Variants in ARNT2 observed in about 807,000 individuals in gnomAD.
ARNT2 encodes aryl hydrocarbon receptor nuclear translocator 2.
Under a neutral mutation model 91.7 loss-of-function variants are expected in ARNT2, and 36 were observed. The ratio of observed to expected loss-of-function variants is 0.39; its 90% CI spans 0.30 to 0.52. ARNT2 has a LOEUF of 0.52. Ranked by LOEUF, ARNT2 falls within the 20% of genes least tolerant of loss-of-function variation. The pLI, the probability that ARNT2 is intolerant of heterozygous loss-of-function variation, is 0.72. For missense variants in ARNT2, 775 were observed against 939.3 expected (o/e 0.83, Z 2.29); for synonymous variants, 365 against 347.1 (o/e 1.05, Z -0.57).
At chr15:80,422,205 T>G (rs1419625866) in intron 1 of ARNT2, among the ~76,000 whole-genome samples, 1 of 152,170 alleles carries the variant, frequency 6.6e-6, no homozygotes, top group East Asian at 1.9e-4. Context: ...TGAAAGTCAT[T>G]GAGCCTCAGA....
At chr15:80,522,820 G>GTGTATA (rs548555538) in intron 8 of ARNT2, among the ~76,000 whole-genome samples, 29,794 of 134,854 alleles carry the variant, frequency 0.22, 3,296 homozygotes, top group African/African-American at 0.24. Context: ...GTGTGTGTGT[G>GTGTATA]TATATATATA....
chr15:80,528,606 T>G (rs747132451), intron 8 of ARNT2, among the ~76,000 whole-genome samples: 1 of 152,084 alleles, frequency 6.6e-6, no homozygotes, highest in Non-Finnish European at 1.5e-5. Flanking sequence ...AGTGGACCGC[T>G]CATGAATATA....
At chr15:80,537,923 G>A (rs1897850885) in intron 8 of ARNT2, among the ~76,000 whole-genome samples, 1 of 152,222 alleles carries the variant, frequency 6.6e-6, no homozygotes, top group African/African-American at 2.4e-5. Flanking sequence ...ACCTATTAGA[G>A]TGAGTCCCTA....
In ARNT2 at chr15:80,514,343, A is replaced by G. The variant is rs777677819; in HGVS notation, c.815A>G (p.Glu272Gly). 3.7e-6 allele frequency: 6 copies of G among 1,614,070 alleles called. No homozygotes were observed. In the Admixed American group the frequency reaches 8.3e-5, roughly 22 times the overall value. ...RFRNGLGPVK[E>G]GEAQYAVVHC... ...AGGAATGGCCTTGGCCCTGTGAAAG[A>G]AGGAGAAGCCCAATATGCTGTGGTC... The change falls in exon 8 of 19, where the codon GAA becomes GGA. Residue 272 changes from glutamate (E) to glycine (G), a missense_variant. Glu to Gly is a moderately conservative substitution (Grantham distance 98, BLOSUM62 -2). This residue lies in a region of ARNT2 where 285 missense variants were observed against 327.2 expected (regional missense o/e 0.87). Transcript: ENST00000303329.
intron 1 of ARNT2, among the ~76,000 whole-genome samples, chr15:80,407,992 A>G (rs1306816220): frequency 6.9e-6 from 1 of 145,296 alleles, no homozygotes; most frequent in Admixed American, 6.8e-5. Context: ...CAGAGTAATT[A>G]ATAAGGCTCA....
chr15:80,529,714 G>A (rs1453404059), intron 8 of ARNT2, among the ~76,000 whole-genome samples: 1 of 152,108 alleles, frequency 6.6e-6, no homozygotes, highest in Non-Finnish European at 1.5e-5. Flanking sequence ...CTGCTTCTCA[G>A]TTGCTCTCTT....
intron 14 of ARNT2, 51 bp from the exon 15 acceptor site, chr15:80,576,815 G>A (rs574697047): frequency 2.5e-6 from 4 of 1,599,020 alleles, no homozygotes; most frequent in Non-Finnish European, 3.4e-6. Flanking sequence ...CTCCTCTGTG[G>A]TCTGCAGAGC....
chr15:80,487,468 G>A (rs559136828), intron 5 of ARNT2, among the ~76,000 whole-genome samples: 33 of 152,354 alleles, frequency 2.2e-4, no homozygotes, highest in African/African-American at 7.5e-4. Flanking sequence ...GAATGTCTGA[G>A]TGGGGAACAA....
At chr15:80,476,856 T>A (rs1425956258) in intron 5 of ARNT2, among the ~76,000 whole-genome samples, 1 of 152,262 alleles carries the variant, frequency 6.6e-6, no homozygotes, top group African/African-American at 2.4e-5. Flanking sequence ...GGTTTAGATC[T>A]GTGTCCTCAC....
chr15:80,559,483 G>A (rs1429874003), intron 11 of ARNT2, among the ~76,000 whole-genome samples: 2 of 152,220 alleles, frequency 1.3e-5, no homozygotes, highest in Non-Finnish European at 2.9e-5. Flanking sequence ...TTGATAAAGG[G>A]AAGTGGCTTC....
intron 1 of ARNT2, among the ~76,000 whole-genome samples, chr15:80,425,539 A>G (rs2141564764): frequency 6.6e-6 from 1 of 152,346 alleles, no homozygotes; most frequent in Admixed American, 6.5e-5. Flanking sequence ...TGTAAATATT[A>G]CAATCTTTTT....
At chr15:80,579,273 A>G (rs1182755968) in intron 15 of ARNT2, among the ~76,000 whole-genome samples, 2 of 152,212 alleles carry the variant, frequency 1.3e-5, no homozygotes, top group African/African-American at 4.8e-5. Context: ...TACTTTCATC[A>G]GGAAGGAGAA....
chr15:80,586,582 C>CA (rs1381439591), intron 17 of ARNT2, among the ~76,000 whole-genome samples: 1 of 152,090 alleles, frequency 6.6e-6, no homozygotes, highest in Non-Finnish European at 1.5e-5. Flanking sequence ...TTTGTTATTC[C>CA]AGGCTGGGTG....
At chr15:80,429,052 A>G (rs1378019996) in intron 1 of ARNT2, among the ~76,000 whole-genome samples, 1 of 152,200 alleles carries the variant, frequency 6.6e-6, no homozygotes, top group South Asian at 2.1e-4. Flanking sequence ...GAACAAAGGA[A>G]TGGTATGGCC....
At chr15:80,593,405 G>A (rs1333845622) in intron 18 of ARNT2, among the ~76,000 whole-genome samples, 195 bp from the exon 19 acceptor site, 1 of 152,210 alleles carries the variant, frequency 6.6e-6, no homozygotes, top group East Asian at 1.9e-4. Context: ...ACAGCTCCCT[G>A]GGGAGAACAG....
At chr15:80,562,642 G>A (rs1898386987) in intron 11 of ARNT2, among the ~76,000 whole-genome samples, 1 of 152,148 alleles carries the variant, frequency 6.6e-6, no homozygotes, top group African/African-American at 2.4e-5. Context: ...TAAGCATCTT[G>A]TATGTTGCCG....
intron 11 of ARNT2, among the ~76,000 whole-genome samples, chr15:80,560,810 C>T (rs1898326359): frequency 6.6e-6 from 1 of 152,230 alleles, no homozygotes; most frequent in South Asian, 2.1e-4. Context: ...GCAGATGTGC[C>T]TGGCCTTACT....
At chr15:80,477,073 G>A (rs1896816982) in intron 5 of ARNT2, among the ~76,000 whole-genome samples, 1 of 152,210 alleles carries the variant, frequency 6.6e-6, no homozygotes, top group South Asian at 2.1e-4. Flanking sequence ...TGCCATGTAA[G>A]ACACCTGCTT....
intron 8 of ARNT2, among the ~76,000 whole-genome samples, chr15:80,528,396 A>G (rs1243316356): frequency 2.0e-5 from 3 of 151,860 alleles, no homozygotes; most frequent in African/African-American, 7.3e-5. Flanking sequence ...CTATCTATCT[A>G]TCTATCTATC....
Sources: allele counts gnomAD v4.1 joint callset (sites outside exome capture counted in the v4.1 genomes callset), GRCh38; gene constraint gnomAD v4.1.1; regional missense constraint gnomAD v4.1.1; transcripts MANE v1.5; gene names NCBI Gene and HGNC (gene_info 2026-07-23, HGNC 2026-07-21).